RIMS2: variants seen among roughly 807,000 people sequenced by gnomAD.
RIMS2 encodes the protein regulating synaptic membrane exocytosis protein 2.
Under a neutral mutation model 174.4 loss-of-function variants are expected in RIMS2, and 59 were observed. That is an observed-to-expected ratio of 0.34 (90% CI 0.27 to 0.42). RIMS2 has a LOEUF of 0.42. Among genes scored for constraint, RIMS2 ranks in the 10% least tolerant of loss-of-function variants. The pLI is 1.00. For synonymous variants in RIMS2, 606 were observed against 572.5 expected (o/e 1.06, Z -0.84); for missense variants, 1,620 against 1,666.3 (o/e 0.97, Z 0.48).
chr8:103,588,104 G>A (rs528885328), intron 1 of RIMS2, among the ~76,000 whole-genome samples: 150 of 151,890 alleles, frequency 9.9e-4, no homozygotes, highest in Middle Eastern at 3.4e-3. Flanking sequence ...ATTGCTATAT[G>A]CCAACAGTGA....
At chr8:104,068,911 A>C (rs1016734090) in intron 19 of RIMS2, among the ~76,000 whole-genome samples, 1 of 152,164 alleles carries the variant, frequency 6.6e-6, no homozygotes, top group Non-Finnish European at 1.5e-5. Flanking sequence ...AAATGATCTT[A>C]TGGTTTTCTT....
Position 103,936,861 on chromosome 8 carries a change from C to T in RIMS2, c.2547+139C>T, listed in dbSNP as rs373129693. ...CTGTAATCTCAGCACTTTGGGAGGC[C>T]GAGGGGGGCGGATCACGAGGTCAGA... is the stretch of plus-strand genomic sequence containing the variant. On this transcript the variant is annotated intron_variant, in intron 13 of 23. Coordinates refer to ENST00000504942, the Ensembl canonical transcript of RIMS2. 3.5e-4 allele frequency: 190 copies of T among 542,180 alleles called. 2 individuals carry two copies. The East Asian group carries it at 4.9e-3, about 14-fold the overall frequency. 33.6% of individuals were successfully genotyped at this position (542,180 alleles called of 1,614,324 possible). A position where few individuals can be genotyped will look rare whatever the true frequency, so the allele number is the denominator to read the frequency against.
chr8:103,939,046 C>A (rs191907108), intron 13 of RIMS2, among the ~76,000 whole-genome samples: 48 of 152,226 alleles, frequency 3.2e-4, no homozygotes, highest in African/African-American at 1.1e-3. Context: ...GTGCACAGTG[C>A]AAGCTGTAGA....
At chr8:103,712,167 CTT>C (rs760792486) in intron 2 of RIMS2, among the ~76,000 whole-genome samples, 16,086 of 127,158 alleles carry the variant, frequency 0.13, 1,002 homozygotes, top group Middle Eastern at 0.24. Flanking sequence ...AATTTTTAAA[CTT>C]TTTTTTTTTT....
chr8:104,080,858 G>A (rs747082053), intron 19 of RIMS2, among the ~76,000 whole-genome samples: 48 of 151,844 alleles, frequency 3.2e-4, no homozygotes, highest in Admixed American at 1.4e-3. Flanking sequence ...TTTGAAGATC[G>A]TAAAATAATA....
chr8:103,553,174 T>A (rs1341846666), intron 1 of RIMS2, among the ~76,000 whole-genome samples: 1 of 152,086 alleles, frequency 6.6e-6, no homozygotes, highest in Non-Finnish European at 1.5e-5. Context: ...CTATTTACAA[T>A]AGCAAAGACT....
chr8:103,905,775 C>CTTTTTTTTTTTT (rs60157494), intron 4 of RIMS2, among the ~76,000 whole-genome samples: 12 of 122,038 alleles, frequency 9.8e-5, no homozygotes, highest in Admixed American at 2.5e-4. Flanking sequence ...ATTTTCTTTT[C>CTTTTTTTTTTTT]TTTTTTTTTT....
At chr8:103,603,830 C>G (rs1258039918) in intron 1 of RIMS2, among the ~76,000 whole-genome samples, 2 of 149,742 alleles carry the variant, frequency 1.3e-5, no homozygotes, top group African/African-American at 2.5e-5. Context: ...CCTTCGCCCA[C>G]TTTTTGATGG....
At chr8:104,218,112 G>A (rs1253345484) in intron 19 of RIMS2, among the ~76,000 whole-genome samples, 3 of 152,174 alleles carry the variant, frequency 2.0e-5, no homozygotes, top group African/African-American at 2.4e-5. Context: ...CCAAGAACAA[G>A]TGTATATCAA....
At chr8:104,134,269 A>C (rs2098499672) in intron 19 of RIMS2, among the ~76,000 whole-genome samples, 1 of 152,174 alleles carries the variant, frequency 6.6e-6, no homozygotes, top group African/African-American at 2.4e-5. Context: ...GTTCAAGACC[A>C]GCTTGACCAG....
At chr8:103,970,873 T>C (rs1217527212) in intron 15 of RIMS2, among the ~76,000 whole-genome samples, 5 of 152,186 alleles carry the variant, frequency 3.3e-5, no homozygotes, top group African/African-American at 1.2e-4. Context: ...TAGAAGTTCC[T>C]CCATGTGCTC....
chr8:103,727,029 A>G (rs1436790700), intron 2 of RIMS2, among the ~76,000 whole-genome samples: 5 of 151,634 alleles, frequency 3.3e-5, no homozygotes, highest in South Asian at 4.2e-4. Flanking sequence ...GAGCCACCGC[A>G]CCCAGCCAAT....
chr8:103,854,469 A>C (rs1371553446), intron 3 of RIMS2, among the ~76,000 whole-genome samples: 1 of 151,928 alleles, frequency 6.6e-6, no homozygotes, highest in African/African-American at 2.4e-5. Flanking sequence ...GCTTTTGCCT[A>C]ATCAGTATGA....
At chr8:103,749,546 G>A (rs922257186) in intron 2 of RIMS2, among the ~76,000 whole-genome samples, 1 of 152,132 alleles carries the variant, frequency 6.6e-6, no homozygotes, top group African/African-American at 2.4e-5. Context: ...TTTGATAGAG[G>A]CATGCAATGT....
At chr8:103,731,750 G>T (rs2097598370) in intron 2 of RIMS2, among the ~76,000 whole-genome samples, 1 of 152,028 alleles carries the variant, frequency 6.6e-6, no homozygotes, top group Admixed American at 6.6e-5. Flanking sequence ...GCATTCTTCA[G>T]TATGTCAGTT....
intron 3 of RIMS2, among the ~76,000 whole-genome samples, chr8:103,844,377 C>G (rs1264501245): frequency 6.6e-6 from 1 of 152,104 alleles, no homozygotes; most frequent in Non-Finnish European, 1.5e-5. Context: ...TCAGTTTAGT[C>G]TTCTTCTATT....
intron 1 of RIMS2, among the ~76,000 whole-genome samples, chr8:103,565,969 T>C (rs955841670): frequency 6.6e-6 from 1 of 152,156 alleles, no homozygotes; most frequent in African/African-American, 2.4e-5. Flanking sequence ...AACCAAAAAA[T>C]GTTTTTCAAA....
At chr8:103,620,514 A>G (rs891729484) in intron 1 of RIMS2, among the ~76,000 whole-genome samples, 2 of 152,230 alleles carry the variant, frequency 1.3e-5, no homozygotes, top group African/African-American at 2.4e-5. Flanking sequence ...CCTGTTTTTT[A>G]TCCATCATCT....
chr8:104,121,397 C>G (rs1423892977), intron 19 of RIMS2, among the ~76,000 whole-genome samples: 1 of 152,044 alleles, frequency 6.6e-6, no homozygotes, highest in Non-Finnish European at 1.5e-5. Context: ...TCTGCCATAT[C>G]CTAGCATGTG....
Sources: gnomAD v4.1 joint callset for allele counts (sites outside exome capture counted in the v4.1 genomes callset) on GRCh38, gnomAD v4.1.1 for gene constraint, MANE v1.5 for transcripts, NCBI Gene and HGNC (gene_info 2026-07-23, HGNC 2026-07-21) for gene names.